Variants in EPM2A observed in about 807,000 individuals in gnomAD.
EPM2A encodes EPM2A glucan phosphatase, laforin.
In EPM2A, 21 loss-of-function variants were observed where a neutral mutation model predicts 26.5. That is an observed-to-expected ratio of 0.79 (90% CI 0.56 to 1.14). The LOEUF is 1.14. Among genes scored for constraint, EPM2A ranks in the 50% most tolerant of loss-of-function variants. The probability of loss-of-function intolerance (pLI) is 0.00; values close to 1 mark genes in which losing one functional copy is unlikely to be tolerated. For synonymous variants in EPM2A, 217 were observed against 177.6 expected (o/e 1.22, Z -1.76); for missense variants, 458 against 440.8 (o/e 1.04, Z -0.35).
chr6:145,491,206 C>A, intron 4 of EPM2A: 1 of 432,106 alleles, frequency 2.3e-6, no homozygotes, highest in Non-Finnish European at 4.4e-6. Flanking sequence ...TTTCCCCGAC[C>A]CCTTCATGGG....
At chr6:145,476,689 T>C (rs904359633) in intron 4 of EPM2A, among the ~76,000 whole-genome samples, 1 of 151,974 alleles carries the variant, frequency 6.6e-6, no homozygotes, top group Non-Finnish European at 1.5e-5. Context: ...AATATTATGC[T>C]CCTGAATGAC....
At chr6:145,708,753 G>A (rs1782370797) in intron 1 of EPM2A, among the ~76,000 whole-genome samples, 1 of 152,136 alleles carries the variant, frequency 6.6e-6, no homozygotes, top group South Asian at 2.1e-4. Context: ...CCCCACTGGG[G>A]CACTGCCTAA....
chr6:145,716,968 T>C (rs191397494), intron 1 of EPM2A, among the ~76,000 whole-genome samples: 1 of 152,240 alleles, frequency 6.6e-6, no homozygotes, highest in East Asian at 1.9e-4. Context: ...TTCAAAATAC[T>C]AACCCTACTA....
intron 2 of EPM2A, among the ~76,000 whole-genome samples, chr6:145,534,601 G>T (rs1780405774): frequency 6.6e-6 from 1 of 152,242 alleles, no homozygotes; most frequent in Admixed American, 6.5e-5. Flanking sequence ...AAGCACGGGG[G>T]CCAGGTCCTC....
intron 2 of EPM2A, among the ~76,000 whole-genome samples, chr6:145,511,050 T>C (rs562030175): frequency 3.3e-5 from 5 of 151,936 alleles, no homozygotes; most frequent in African/African-American, 1.2e-4. Flanking sequence ...CAGGAAGAAA[T>C]AGAAATCCAG....
At chr6:145,659,159 C>T (rs1192944249) in intron 2 of EPM2A, among the ~76,000 whole-genome samples, 2 of 152,214 alleles carry the variant, frequency 1.3e-5, no homozygotes, top group South Asian at 4.1e-4. Context: ...ATATTACAAT[C>T]CCCACTAACT....
chr6:145,499,023 CAAT>C (rs1329376824), downstream of EPM2A, among the ~76,000 whole-genome samples: 2 of 152,140 alleles, frequency 1.3e-5, no homozygotes, highest in Non-Finnish European at 2.9e-5. Context: ...GAATGCCTCC[CAAT>C]GGGTCTCTCT....
chr6:145,623,984 C>T (rs951171500), downstream of EPM2A, among the ~76,000 whole-genome samples: 1 of 152,166 alleles, frequency 6.6e-6, no homozygotes, highest in African/African-American at 2.4e-5. Flanking sequence ...TTCAGAGCAA[C>T]GACTTAGAGA....
chr6:145,506,285 AC>A, intron 2 of EPM2A, among the ~76,000 whole-genome samples: 1 of 152,358 alleles, frequency 6.6e-6, no homozygotes, highest in South Asian at 2.1e-4. Context: ...ATAAATTATT[AC>A]ATAACCTTTG....
In EPM2A at chr6:145,589,261, G is replaced by C. The variant is rs140676245; in HGVS notation, c.340+45984C>G. Reference sequence around the variant, plus strand: ...AATGGATTAGAGCTACTTGGAAGAGGCTGTTCATTAGGAAAGTATGGCCTG... The same window carrying C: ...AATGGATTAGAGCTACTTGGAAGAGCCTGTTCATTAGGAAAGTATGGCCTG... On this transcript the variant is annotated intron_variant, in intron 2 of 3. Coordinates refer to the EPM2A transcript ENST00000450221. 4.3e-3 allele frequency among the ~76,000 whole-genome samples: 651 copies of C among 152,184 alleles called. 4 individuals are homozygous for C. Among genetic ancestry groups the C allele is most frequent in the African/African-American group, 0.014 (562 of 41,522 alleles).
chr6:145,558,683 C>T (rs1304749075), intron 2 of EPM2A, among the ~76,000 whole-genome samples: 1 of 152,006 alleles, frequency 6.6e-6, no homozygotes, highest in Non-Finnish European at 1.5e-5. Flanking sequence ...TTTGTACGTG[C>T]TTTTCGAGAA....
chr6:145,448,711 T>C (rs968890709), intron 4 of EPM2A, among the ~76,000 whole-genome samples: 14 of 152,282 alleles, frequency 9.2e-5, no homozygotes, highest in Non-Finnish European at 2.1e-4. Flanking sequence ...ACATACCTGG[T>C]CTTTGAACCA....
chr6:145,735,300 C>T lies in EPM2A; in HGVS notation c.199G>A (p.Ala67Thr). The stretch of plus-strand genomic sequence containing the variant: ...CCGTCCTGCGCCGCCTCCTCGGCCG[C>T]CAGCTCCACCTCCCCGAGCCACAGG... The part of the protein sequence containing the change: ...PGLWLGEVEL[A>T]AEEAAQDGAE... The change falls in exon 1 of 4, where the codon GCG becomes ACG. Residue 67 changes from alanine to threonine, a missense_variant. Physicochemically the swap from Ala to Thr is moderately conservative, Grantham distance 58. Transcript: ENST00000367519. 6.8e-7 allele frequency: 1 copy of T among 1,476,902 alleles called. No homozygotes were observed. The highest frequency in any genetic ancestry group is 3.0e-5 in the East Asian group (1 of 33,786). 91.5% of individuals were successfully genotyped at this position (1,476,902 alleles called of 1,614,324 possible).
At chr6:145,687,504 T>TATC (rs1236734063) in intron 1 of EPM2A, among the ~76,000 whole-genome samples, 1 of 152,152 alleles carries the variant, frequency 6.6e-6, no homozygotes, top group Non-Finnish European at 1.5e-5. Flanking sequence ...ACTACCTTTT[T>TATC]ATCATCCCAT....
At chr6:145,643,116 G>T (rs1321142201) in intron 2 of EPM2A, among the ~76,000 whole-genome samples, 1 of 152,152 alleles carries the variant, frequency 6.6e-6, no homozygotes, top group African/African-American at 2.4e-5. Context: ...AGAACCAACA[G>T]AACTTGCACA....
chr6:145,614,447 C>T (rs1275169854), intron 2 of EPM2A, among the ~76,000 whole-genome samples: 2 of 152,234 alleles, frequency 1.3e-5, no homozygotes, highest in Non-Finnish European at 2.9e-5. Flanking sequence ...TTGCACTTAA[C>T]AACTTGGCTG....
chr6:145,505,204 C>T (rs1459146285), intron 2 of EPM2A, among the ~76,000 whole-genome samples: 2 of 149,144 alleles, frequency 1.3e-5, no homozygotes, highest in Non-Finnish European at 3.0e-5. Flanking sequence ...ATGTAACTAA[C>T]CTGCACAATG....
At chr6:145,688,971 A>G (rs892481934) in intron 1 of EPM2A, among the ~76,000 whole-genome samples, 3 of 152,202 alleles carry the variant, frequency 2.0e-5, no homozygotes, top group African/African-American at 7.2e-5. Flanking sequence ...AAATAAAACA[A>G]TATCTGTGGC....
chr6:145,706,008 G>T, intron 1 of EPM2A: 1 of 451,844 alleles, frequency 2.2e-6, no homozygotes, highest in South Asian at 1.6e-5. Flanking sequence ...GAAGGGGTTT[G>T]CATAGAAGGC....
Sources: allele counts gnomAD v4.1 joint callset (sites outside exome capture counted in the v4.1 genomes callset), GRCh38; gene constraint gnomAD v4.1.1; transcripts MANE v1.5; gene names NCBI Gene and HGNC (gene_info 2026-07-23, HGNC 2026-07-21).